ANK3: variants seen among roughly 807,000 people sequenced by gnomAD.
ANK3 encodes ankyrin-3.
A neutral mutation model predicts 370.9 loss-of-function variants in ANK3; 57 were observed. That is an observed-to-expected ratio of 0.15 (90% CI 0.12 to 0.19). The LOEUF is 0.19. Among genes scored for constraint, ANK3 ranks in the 10% least tolerant of loss-of-function variants. The pLI is 1.00. For missense variants in ANK3, 4,439 were observed against 5,302.1 expected (o/e 0.84, Z 5.06); for synonymous variants, 1,929 against 1,946.3 (o/e 0.99, Z 0.23).
chr10:60,226,466 CATAGTATATATACTATAT>C, intron 8 of ANK3, among the ~76,000 whole-genome samples: 1 of 102,114 alleles, frequency 9.8e-6, no homozygotes, highest in Non-Finnish European at 1.8e-5. Flanking sequence ...AGTATATATA[CATAGTATATATACTATAT>C]ATATACATAT....
rs1203953342 is a variant in ANK3, at chr10:60,069,875, G to A, written c.11006C>T (p.Thr3669Ile). 3 of 1,614,004 alleles carry A rather than the reference G, an allele frequency of 1.9e-6. No homozygotes were observed. Among genetic ancestry groups the A allele is most frequent in the South Asian group, 2.2e-5 (2 of 91,072 alleles). Residue 3669 changes from threonine to isoleucine, a missense_variant, in exon 37 of 44, where the codon ACC becomes ATC. Thr to Ile is a moderately conservative substitution (Grantham distance 89). This residue lies in a region of ANK3 where 496 missense variants were observed against 529.3 expected (regional missense o/e 0.94). Coordinates refer to ENST00000280772, the MANE Select transcript of ANK3 (RefSeq NM_020987.5). ...TGTCTCTACATTTCTCTCTAGATTG[G>A]TTTCTACAGTGGTGTCCCCTGACTG... ...QPQSGDTTVE[T>I]NLERNVETPT...
intron 1 of ANK3, among the ~76,000 whole-genome samples, chr10:60,288,388 C>G (rs1162430485): frequency 6.6e-6 from 1 of 152,126 alleles, no homozygotes; most frequent in Non-Finnish European, 1.5e-5. Flanking sequence ...TTGTCCTAAT[C>G]TAGCTGTGCA....
chr10:60,590,969 T>C (rs2077901731), intron 2 of ANK3, among the ~76,000 whole-genome samples: 1 of 152,170 alleles, frequency 6.6e-6, no homozygotes, highest in Non-Finnish European at 1.5e-5. Context: ...CTGTAGTTAA[T>C]GACATTGAAG....
Position 60,181,270 on chromosome 10 carries a change from C to A in ANK3, c.2184+59G>T, listed in dbSNP as rs2096176584. 3 of 1,377,078 alleles carry A rather than the reference C, an allele frequency of 2.2e-6. No individual in the cohort carries two copies. In the East Asian group the frequency reaches 6.9e-5, roughly 31 times the overall value. The allele number at this position is 1,377,078 out of a possible 1,614,324, so 85.3% of individuals were successfully genotyped here. ...CTCCTGATACAATTATAGTTTCTTCCTTACTGCAGTCACCAAATGGACACA... is the reference window on the plus strand; with the variant it reads ...CTCCTGATACAATTATAGTTTCTTCATTACTGCAGTCACCAAATGGACACA... On this transcript the variant is annotated intron_variant, in intron 18 of 43. Transcript: ENST00000280772.
chr10:60,207,733 G>A (rs2096787161), intron 10 of ANK3, among the ~76,000 whole-genome samples: 2 of 152,168 alleles, frequency 1.3e-5, no homozygotes, highest in East Asian at 1.9e-4. Context: ...AGAATTATAA[G>A]TTTATCCACA....
intron 21 of ANK3, among the ~76,000 whole-genome samples, chr10:60,169,339 T>C (rs2095710528): frequency 1.3e-5 from 2 of 149,260 alleles, no homozygotes; most frequent in Non-Finnish European, 3.0e-5. Flanking sequence ...GTCAGATATG[T>C]CCATCAACTG....
intron 21 of ANK3, among the ~76,000 whole-genome samples, chr10:60,169,253 G>C (rs756980793): frequency 8.6e-5 from 13 of 151,884 alleles, no homozygotes; most frequent in African/African-American, 2.2e-4. Context: ...TGGTATGAGA[G>C]GGTATCTCAT....
At chr10:60,717,074 T>A (rs895176200) in intron 1 of ANK3, among the ~76,000 whole-genome samples, 11 of 152,142 alleles carry the variant, frequency 7.2e-5, no homozygotes, top group African/African-American at 2.7e-4. Context: ...TATTCCACAT[T>A]TTACTTTTAC....
chr10:60,187,335 T>G (rs113353482), intron 16 of ANK3, among the ~76,000 whole-genome samples: 11 of 152,004 alleles, frequency 7.2e-5, no homozygotes, highest in Non-Finnish European at 1.5e-4. Flanking sequence ...TTTTGTATTT[T>G]TAGTAGAGAC....
chr10:60,268,173 A>G (rs2097910209), intron 5 of ANK3, among the ~76,000 whole-genome samples: 1 of 152,198 alleles, frequency 6.6e-6, no homozygotes, highest in South Asian at 2.1e-4. Context: ...GCACCCGGCT[A>G]AATGTTTGTT....
intron 2 of ANK3, among the ~76,000 whole-genome samples, chr10:60,593,543 A>AT (rs921183109): frequency 2.6e-5 from 4 of 151,896 alleles, no homozygotes; most frequent in Admixed American, 2.0e-4. Flanking sequence ...AATTAGGAAA[A>AT]TTTTTTTTTA....
intron 43 of ANK3, among the ~76,000 whole-genome samples, chr10:60,040,571 A>C (rs762545541): frequency 2.0e-5 from 3 of 152,224 alleles, no homozygotes; most frequent in Non-Finnish European, 4.4e-5. Flanking sequence ...TGAGTGGTGC[A>C]GCAAGTGAGT....
intron 8 of ANK3, among the ~76,000 whole-genome samples, chr10:60,232,756 C>CT (rs1447934685): frequency 6.6e-6 from 1 of 152,104 alleles, no homozygotes; most frequent in Non-Finnish European, 1.5e-5. Flanking sequence ...CAAACTAGAC[C>CT]TTTTGTTTCA....
At chr10:60,626,058 G>A (rs1447250680) in intron 1 of ANK3, among the ~76,000 whole-genome samples, 1 of 151,864 alleles carries the variant, frequency 6.6e-6, no homozygotes, top group Non-Finnish European at 1.5e-5. Flanking sequence ...TTGGAAGACG[G>A]TCCCTTTGGG....
At chr10:60,479,867 GT>G (rs1189881429) in intron 2 of ANK3, among the ~76,000 whole-genome samples, 2 of 152,110 alleles carry the variant, frequency 1.3e-5, no homozygotes, top group African/African-American at 2.4e-5. Flanking sequence ...ACATTAACTT[GT>G]TTTCAACATG....
chr10:60,032,313 T>C (rs577538312), intron 43 of ANK3, among the ~76,000 whole-genome samples: 2 of 148,790 alleles, frequency 1.3e-5, no homozygotes, highest in African/African-American at 5.0e-5. Flanking sequence ...TTCAAGCAAT[T>C]CTCCTGTCTC....
At chr10:60,721,003 G>A (rs950481003) in intron 1 of ANK3, among the ~76,000 whole-genome samples, 4 of 152,136 alleles carry the variant, frequency 2.6e-5, no homozygotes, top group Non-Finnish European at 5.9e-5. Flanking sequence ...ATTAACAGCT[G>A]TCAACTGAGC....
intron 25 of ANK3, among the ~76,000 whole-genome samples, chr10:60,126,842 G>C (rs188134979): frequency 3.3e-3 from 503 of 152,306 alleles, no homozygotes; most frequent in African/African-American, 0.012. Context: ...GGCACTTTAA[G>C]ATGCTAGACG....
chr10:60,150,372 G>A (rs2095052397), intron 23 of ANK3, among the ~76,000 whole-genome samples: 1 of 152,090 alleles, frequency 6.6e-6, no homozygotes, highest in African/African-American at 2.4e-5. Context: ...AAATTTCTGT[G>A]TGTCCAAATC....
Sources: allele counts gnomAD v4.1 joint callset (sites outside exome capture counted in the v4.1 genomes callset), GRCh38; gene constraint gnomAD v4.1.1; regional missense constraint gnomAD v4.1.1; transcripts MANE v1.5; gene names NCBI Gene and HGNC (gene_info 2026-07-23, HGNC 2026-07-21).